IQCM: variants seen among roughly 807,000 people sequenced by gnomAD.
IQCM encodes IQ domain-containing protein M.
IQCM carries 45 observed loss-of-function variants against 57.6 expected under a neutral mutation model. The ratio of observed to expected loss-of-function variants is 0.78; its 90% CI spans 0.62 to 1.00. The LOEUF (loss-of-function observed/expected upper bound fraction) is 1.00, where lower values mean the gene tolerates loss of function less well. Ranked by LOEUF, IQCM falls within the 50% of genes least tolerant of loss-of-function variation. The pLI is 0.00. For missense variants in IQCM, 468 were observed against 511.6 expected (o/e 0.91, Z 0.82); for synonymous variants, 148 against 158.9 (o/e 0.93, Z 0.51).
At chr4:149,674,135 A>G (rs1353584588) in intron 7 of IQCM, among the ~76,000 whole-genome samples, 3 of 152,156 alleles carry the variant, frequency 2.0e-5, no homozygotes, top group African/African-American at 7.2e-5. Context: ...AATGAAACAA[A>G]AACACACTGA....
chr4:149,588,044 A>T, intron 8 of IQCM, 47 bp from the exon 9 acceptor site: 1 of 832,746 alleles, frequency 1.2e-6, no homozygotes, highest in African/African-American at 1.8e-5. Flanking sequence ...AAACAATGTT[A>T]TCACCTATAA....
intron 7 of IQCM, among the ~76,000 whole-genome samples, chr4:149,622,509 A>C (rs934786418): frequency 6.6e-6 from 1 of 151,986 alleles, no homozygotes; most frequent in Non-Finnish European, 1.5e-5. Context: ...CGCCCGGCTA[A>C]TTTTTTGTAT....
chr4:149,403,651 G>A (rs1184596772), intron 13 of IQCM, among the ~76,000 whole-genome samples: 1 of 151,684 alleles, frequency 6.6e-6, no homozygotes, highest in Non-Finnish European at 1.5e-5. Context: ...CTATGAATAT[G>A]CCTGCCATTG....
chr4:149,386,821 G>A (rs1245266933), intron 13 of IQCM, among the ~76,000 whole-genome samples: 1 of 151,806 alleles, frequency 6.6e-6, no homozygotes, highest in African/African-American at 2.4e-5. Flanking sequence ...ATCCTCTGTG[G>A]TTTCATTTAA....
At chr4:149,563,599 T>G in intron 10 of IQCM, 93 bp downstream of exon 10, 1 of 874,848 alleles carries the variant, frequency 1.1e-6, no homozygotes, top group Non-Finnish European at 1.5e-6. Context: ...AAAAAAAAAG[T>G]ATGTACATTG....
At chr4:149,781,338 C>A (rs1241092325) in intron 2 of IQCM, among the ~76,000 whole-genome samples, 1 of 152,136 alleles carries the variant, frequency 6.6e-6, no homozygotes, top group Non-Finnish European at 1.5e-5. Context: ...TTTTGAGTAG[C>A]ATGATGAAAT....
At chr4:149,543,716 A>G (rs1379901375) in intron 12 of IQCM, among the ~76,000 whole-genome samples, 1 of 149,536 alleles carries the variant, frequency 6.7e-6, no homozygotes, top group Non-Finnish European at 1.5e-5. Context: ...CAGGTACCCT[A>G]AAACTTAAAG....
intron 5 of IQCM, among the ~76,000 whole-genome samples, chr4:149,724,672 T>C (rs560698326): frequency 7.2e-5 from 11 of 152,170 alleles, no homozygotes; most frequent in Middle Eastern, 3.4e-3. Flanking sequence ...TATATGTGCA[T>C]GACATGGATG....
At chr4:149,659,382 T>C (rs1759953136) in intron 7 of IQCM, among the ~76,000 whole-genome samples, 1 of 152,072 alleles carries the variant, frequency 6.6e-6, no homozygotes, top group Non-Finnish European at 1.5e-5. Flanking sequence ...GAAGAATCAA[T>C]ATCATGAAAA....
At chr4:149,747,767 C>A (rs1049195276) in intron 2 of IQCM, among the ~76,000 whole-genome samples, 1 of 152,170 alleles carries the variant, frequency 6.6e-6, no homozygotes, top group South Asian at 2.1e-4. Flanking sequence ...GGAACAGTGG[C>A]AAGCCCATGA....
intron 2 of IQCM, among the ~76,000 whole-genome samples, chr4:149,748,533 G>A (rs1768140305): frequency 6.6e-6 from 1 of 151,568 alleles, no homozygotes; most frequent in Non-Finnish European, 1.5e-5. Context: ...TTCACCTTTT[G>A]ACTCTCTTAA....
At chr4:149,366,994 GT>G (rs1391694428) in intron 13 of IQCM, among the ~76,000 whole-genome samples, 1 of 151,948 alleles carries the variant, frequency 6.6e-6, no homozygotes, top group Non-Finnish European at 1.5e-5. Context: ...AATAATAACT[GT>G]CATTTAATGT....
At chr4:149,635,555 A>G (rs531781206) in intron 7 of IQCM, among the ~76,000 whole-genome samples, 1 of 152,242 alleles carries the variant, frequency 6.6e-6, no homozygotes. Flanking sequence ...TAGAATAAAA[A>G]TTCATTTCAA....
intron 8 of IQCM, among the ~76,000 whole-genome samples, chr4:149,611,509 G>T (rs1200438431): frequency 1.3e-5 from 2 of 152,206 alleles, no homozygotes; most frequent in East Asian, 3.9e-4. Flanking sequence ...GACATAAAAA[G>T]GATGAAATCC....
intron 5 of IQCM, among the ~76,000 whole-genome samples, chr4:149,695,840 G>C (rs1017639631): frequency 6.6e-6 from 1 of 152,100 alleles, no homozygotes; most frequent in African/African-American, 2.4e-5. Context: ...TCGCCATGAA[G>C]ACCTTTATTT....
intron 9 of IQCM, among the ~76,000 whole-genome samples, chr4:149,573,642 T>C (rs1028468680): frequency 6.6e-6 from 1 of 151,658 alleles, no homozygotes; most frequent in African/African-American, 2.4e-5. Flanking sequence ...CTCTTCAAAA[T>C]AGTATTGTTA....
intron 2 of IQCM, among the ~76,000 whole-genome samples, chr4:149,766,049 T>G (rs777738048): frequency 6.6e-6 from 1 of 152,024 alleles, no homozygotes; most frequent in East Asian, 1.9e-4. Flanking sequence ...TTGAGAAATA[T>G]CTCCCATTCT....
chr4:149,451,158 G>A (rs569820484), intron 12 of IQCM, among the ~76,000 whole-genome samples: 79 of 151,902 alleles, frequency 5.2e-4, no homozygotes, highest in African/African-American at 1.6e-3. Flanking sequence ...CATGGAGATA[G>A]AGAGTAGAAA....
chr4:149,593,083 C>A (rs931226801), intron 8 of IQCM, among the ~76,000 whole-genome samples: 1 of 152,124 alleles, frequency 6.6e-6, no homozygotes, highest in Admixed American at 6.6e-5. Flanking sequence ...TTCTTCCTAT[C>A]CATGAGCATG....
Sources: allele counts gnomAD v4.1 joint callset (sites outside exome capture counted in the v4.1 genomes callset), GRCh38; gene constraint gnomAD v4.1.1; transcripts MANE v1.5; gene names NCBI Gene and HGNC (gene_info 2026-07-23, HGNC 2026-07-21).